POLG2: variants seen among roughly 807,000 people sequenced by gnomAD.
POLG2 encodes DNA polymerase subunit gamma-2.
Under a neutral mutation model 56.5 loss-of-function variants are expected in POLG2, and 50 were observed. That is an observed-to-expected ratio of 0.88 (90% CI 0.71 to 1.12). The LOEUF (loss-of-function observed/expected upper bound fraction) is 1.12. POLG2 is among the 50% of genes most tolerant of loss of function. The pLI is 0.00. For missense variants in POLG2, 584 were observed against 583.3 expected, an observed-to-expected ratio of 1.00 and a Z score of -0.01; for synonymous variants, 226 against 222.6, an observed-to-expected ratio of 1.02 and a Z score of -0.14.
rs184093408 is a variant in POLG2, at chr17:64,495,051, T to C, written c.562+1356A>G. On this transcript the variant is annotated intron_variant, in intron 1 of 7. Coordinates refer to ENST00000539111, the MANE Select transcript of POLG2 (RefSeq NM_007215.4). ...AGCCAGGCGTGGTGGCAAGTGCCTG[T>C]AGTCTAGTCCCAGCTACTCGGGAGG... Among the ~76,000 whole-genome samples the C allele has an allele frequency of 2.0e-5, 3 of 151,856 alleles. No individual in the cohort carries two copies. The East Asian group carries it at 5.8e-4, about 29-fold the overall frequency.
At position 64,496,409 on chromosome 17, in the gene POLG2, T is replaced by C; in HGVS notation, c.560A>G (p.His187Arg). The C allele has an allele frequency of 1.3e-6, 2 of 1,568,142 alleles. No homozygotes were observed. The highest frequency in any genetic ancestry group is 1.7e-6 in the Non-Finnish European group (2 of 1,148,068). The change falls in exon 1 of 8, where the codon CAC becomes CGC. Residue 187 changes from histidine (H) to arginine (R), a missense_variant and splice_region_variant. Transcript: ENST00000539111. ...AAGCATGAAATCGTGAAGCATACCG[T>C]GAAGAAGGTTCTCCCGTAGTTTCCC... ...TSGKLRENLLHGALEHYVNCL... is the reference protein window; with the variant it reads ...TSGKLRENLLRGALEHYVNCL...
chr17:64,490,017 C>T (rs1276296795), intron 4 of POLG2, among the ~76,000 whole-genome samples: 24 of 152,156 alleles, frequency 1.6e-4, no homozygotes, highest in South Asian at 1.0e-3. Flanking sequence ...CTCCACCTCC[C>T]GGGTTCAAGC....
intron 4 of POLG2, among the ~76,000 whole-genome samples, chr17:64,489,617 G>GGGCATGGT (rs1306621167): frequency 2.0e-5 from 3 of 151,834 alleles, no homozygotes; most frequent in Non-Finnish European, 4.4e-5. Context: ...ACCATCAGTC[G>GGGCATGGT]GGCATGGTGA....
At chr17:64,496,287 G>T (rs1246238666) in intron 1 of POLG2, 120 bp downstream of exon 1, 2 of 687,432 alleles carry the variant, frequency 2.9e-6, no homozygotes, top group Non-Finnish European at 5.1e-6. Flanking sequence ...TCAAAAAGAT[G>T]AGAACTAACT....
At chr17:64,479,477 G>A (rs782286178) in intron 7 of POLG2, among the ~76,000 whole-genome samples, 6 of 152,010 alleles carry the variant, frequency 3.9e-5, no homozygotes, top group Admixed American at 3.9e-4. Context: ...GAGCCACTGC[G>A]CCCAGCCTGG....
At chr17:64,493,066 C>T in intron 1 of POLG2, 45 bp from the exon 2 acceptor site, 3 of 1,606,598 alleles carry the variant, frequency 1.9e-6, no homozygotes, top group Non-Finnish European at 1.7e-6. Flanking sequence ...AGTCCACAAA[C>T]CCAAATCATT....
At chr17:64,491,414 G>T in intron 3 of POLG2, 1 of 697,888 alleles carries the variant, frequency 1.4e-6, no homozygotes, top group Non-Finnish European at 2.3e-6. Context: ...GGGTAACAGA[G>T]CAAGACTTCA....
intron 7 of POLG2, among the ~76,000 whole-genome samples, chr17:64,480,022 C>A (rs782260546): frequency 6.6e-6 from 1 of 152,214 alleles, no homozygotes; most frequent in Non-Finnish European, 1.5e-5. Flanking sequence ...TACATACTTT[C>A]ATCCATAAGT....
intron 5 of POLG2, chr17:64,485,389 C>T (rs548975356): frequency 2.7e-5 from 8 of 298,576 alleles, no homozygotes; most frequent in East Asian, 9.3e-5. Flanking sequence ...CTCCCTGATC[C>T]GGGTCTTTCT....
chr17:64,491,951 C>T (rs1555668567), intron 3 of POLG2, among the ~76,000 whole-genome samples: 1 of 145,266 alleles, frequency 6.9e-6, no homozygotes, highest in Non-Finnish European at 1.5e-5. Flanking sequence ...AAAAAAAAAC[C>T]AAAAACAGAC....
At chr17:64,494,178 C>T (rs2038111727) in intron 1 of POLG2, among the ~76,000 whole-genome samples, 1 of 152,140 alleles carries the variant, frequency 6.6e-6, no homozygotes, top group Non-Finnish European at 1.5e-5. Context: ...ATGACACTGA[C>T]TTTTGATGTG....
intron 3 of POLG2, among the ~76,000 whole-genome samples, chr17:64,492,151 C>A (rs2038072439): frequency 6.6e-6 from 1 of 152,052 alleles, no homozygotes. Flanking sequence ...TCATTCTTAC[C>A]CTTCTGCGAA....
rs2038159213 is a variant in POLG2, at chr17:64,496,725, T to C, written c.244A>G (p.Ser82Gly). ...ICQRRHFLSGSKQQLSRDSLL... is the reference protein window; with the variant it reads ...ICQRRHFLSGGKQQLSRDSLL... ...GAATCCCGGCTAAGCTGCTGCTTGC[T>C]TCCACTTAGGAAATGCCTTCTCTGA... Residue 82 changes from serine (S) to glycine (G), a missense_variant, in exon 1 of 8, where the codon AGC (serine) becomes GGC (glycine). Transcript: ENST00000539111. 2 of 1,614,060 alleles carry C rather than the reference T, an allele frequency of 1.2e-6. No homozygotes were observed. Among genetic ancestry groups the C allele is most frequent in the East Asian group, 2.2e-5 (1 of 44,856 alleles).
At chr17:64,481,827 A>AGATT (rs1555666522) in intron 6 of POLG2, among the ~76,000 whole-genome samples, 3 of 151,966 alleles carry the variant, frequency 2.0e-5, no homozygotes, top group Admixed American at 6.6e-5. Context: ...GTGAGCCGAG[A>AGATT]TCGTGCCACT....
Position 64,492,904 on chromosome 17 carries a change from C to G in POLG2, c.680G>C (p.Gly227Ala), listed in dbSNP as rs781842890. Reference sequence around the variant, plus strand: ...TTGCCACTTTTTATACCTTTTAACACCATTTCGTATCTGCTTAGTGTCAAA... The same window carrying G: ...TTGCCACTTTTTATACCTTTTAACAGCATTTCGTATCTGCTTAGTGTCAAA... ...PVFDTKQIRN[G>A]VKSIGEKTEA... is the part of the protein sequence containing the mutation. Residue 227 changes from glycine (G) to alanine (A), a missense_variant, in exon 2 of 8, where the codon GGT becomes GCT. Coordinates refer to ENST00000539111, the MANE Select transcript of POLG2 (RefSeq NM_007215.4). 1 of 1,614,082 alleles carries G rather than the reference C, an allele frequency of 6.2e-7. No homozygotes were observed. The highest frequency in any genetic ancestry group is 1.1e-5 in the South Asian group (1 of 91,080).
intron 6 of POLG2, 78 bp from the exon 7 acceptor site, chr17:64,480,467 C>T: frequency 1.5e-6 from 1 of 678,022 alleles, no homozygotes; most frequent in East Asian, 3.0e-5. Context: ...TGTGAAGCCA[C>T]AAATCACCCT....
At chr17:64,480,015 A>G (rs1480597297) in intron 7 of POLG2, among the ~76,000 whole-genome samples, 6 of 152,200 alleles carry the variant, frequency 3.9e-5, no homozygotes, top group African/African-American at 1.4e-4. Context: ...CTCTACATAC[A>G]TACTTTCATC....
At chr17:64,485,892 A>G in intron 4 of POLG2, 24 bp from the exon 5 acceptor site, 1 of 1,613,114 alleles carries the variant, frequency 6.2e-7, no homozygotes, top group Non-Finnish European at 8.5e-7. Context: ...CAGAAGAAAA[A>G]TAATCATTTC....
At chr17:64,484,554 G>A (rs549100755) in intron 5 of POLG2, among the ~76,000 whole-genome samples, 73 of 152,320 alleles carry the variant, frequency 4.8e-4, no homozygotes, top group African/African-American at 1.7e-3. Context: ...CACTCTATCA[G>A]GGGAGGAGGA....
Sources: gnomAD v4.1 joint callset for allele counts (sites outside exome capture counted in the v4.1 genomes callset) on GRCh38, gnomAD v4.1.1 for gene constraint, MANE v1.5 for transcripts, NCBI Gene and HGNC (gene_info 2026-07-23, HGNC 2026-07-21) for gene names.